The following RPL3 variants were observed in gnomAD, a reference collection of about 807,000 sequenced individuals.
The protein encoded by RPL3 is large ribosomal subunit protein uL3.
RPL3 carries 3 observed loss-of-function variants against 46.0 expected under a neutral mutation model. The observed-to-expected ratio is 0.07, with a 90% CI of 0.03 to 0.17. The LOEUF (loss-of-function observed/expected upper bound fraction) is 0.17, where lower values mean the gene tolerates loss of function less well. RPL3 is among the 10% of genes least tolerant of loss of function. The pLI is 1.00. For synonymous variants in RPL3, 224 were observed against 190.8 expected (o/e 1.17, Z -1.43); for missense variants, 387 against 532.7 (o/e 0.73, Z 2.69).
intron 1 of RPL3, 66 bp downstream of exon 1, chr22:39,319,529 G>C: frequency 6.4e-7 from 1 of 1,551,068 alleles, no homozygotes; most frequent in South Asian, 1.2e-5. Flanking sequence ...GGATGGCGGC[G>C]ATGCGTCGCG....
At chr22:39,319,355 C>T in intron 1 of RPL3, 1 of 616,496 alleles carries the variant, frequency 1.6e-6, no homozygotes, top group Non-Finnish European at 2.9e-6. Context: ...GGCCTCCAAG[C>T]CTGCTCCCAC....
In RPL3 at chr22:39,313,975, A is replaced by G. The variant is rs1922521091; in HGVS notation, c.951+132T>C. ...GAGTGGACTCAGATGACAACATGCC[A>G]CTTACAAGGGACACAGCTAGGTGTT... On this transcript the variant is annotated intron_variant, in intron 7 of 9. Transcript: ENST00000216146. 3.4e-6 allele frequency: 3 copies of G among 874,632 alleles called. No homozygotes were observed. In the Admixed American group the frequency reaches 5.2e-5, roughly 15 times the overall value. 54.2% of individuals were successfully genotyped at this position (874,632 alleles called of 1,614,324 possible).
chr22:39,319,185 C>A, intron 1 of RPL3: 1 of 546,020 alleles, frequency 1.8e-6, no homozygotes, highest in South Asian at 1.4e-5. Flanking sequence ...CCACAACACT[C>A]CCCTCCCCCA....
Position 39,317,452 on chromosome 22 carries a change from C to T in RPL3, c.365+9G>A, listed in dbSNP as rs1922773613. 6.2e-7 allele frequency: 1 copy of T among 1,611,940 alleles called. No homozygotes were observed. The highest frequency in any genetic ancestry group is 1.1e-5 in the South Asian group (1 of 91,020). On this transcript the variant is annotated intron_variant, in intron 3 of 9. Coordinates refer to ENST00000216146, the MANE Select transcript of RPL3 (RefSeq NM_000967.4). ...CCCAAGCTAGGGACTGCATGGCCTC[C>T]TCCCTTACCAATTCTTATAGAAACG...
At chr22:39,314,543 G>T in intron 6 of RPL3, 143 bp downstream of exon 6, 1 of 1,026,728 alleles carries the variant, frequency 9.7e-7, no homozygotes, top group Non-Finnish European at 1.4e-6. Flanking sequence ...AGATGGGCCA[G>T]AACTGACCAT....
intron 9 of RPL3, 100 bp from the exon 10 acceptor site, chr22:39,313,084 C>G (rs1922458057): frequency 1.9e-6 from 3 of 1,605,086 alleles, no homozygotes; most frequent in Non-Finnish European, 1.7e-6. Flanking sequence ...TCCACAGCCA[C>G]AAGAGAGGCC....
intron 9 of RPL3, 62 bp from the exon 10 acceptor site, chr22:39,313,046 T>C: frequency 1.2e-6 from 2 of 1,611,744 alleles, no homozygotes; most frequent in Non-Finnish European, 1.7e-6. Flanking sequence ...ATGCCCACTC[T>C]AGAGGAGACC....
At chr22:39,318,316 C>T in intron 2 of RPL3, 84 bp downstream of exon 2, 1 of 1,475,038 alleles carries the variant, frequency 6.8e-7, no homozygotes, top group Non-Finnish European at 9.2e-7. Flanking sequence ...AAAGTCTGCC[C>T]TCTGCTAACA....
At chr22:39,318,793 T>C (rs1313765648) in intron 1 of RPL3, among the ~76,000 whole-genome samples, 1 of 152,218 alleles carries the variant, frequency 6.6e-6, no homozygotes, top group Non-Finnish European at 1.5e-5. Context: ...TTAAGCTGAA[T>C]CTTATTTCAA....
In RPL3 at chr22:39,316,796, C is replaced by A. The variant is rs1417486220; in HGVS notation, c.411G>T (p.Trp137Cys). Residue 137 changes from tryptophan (W) to cysteine (C), a missense_variant, in exon 4 of 10, where the codon TGG (tryptophan) becomes TGT (cysteine). Trp to Cys is a radical substitution (Grantham distance 215, BLOSUM62 -2). Transcript: ENST00000216146. ...KKAFTKYCKKWQDEDGKKQLE... is the reference protein window; with the variant it reads ...KKAFTKYCKKCQDEDGKKQLE... The stretch of plus-strand genomic sequence containing the variant: ...GCTGCTTCTTGCCATCCTCATCCTG[C>A]CATTTCTTGCAGTACTTGGTAAAGG... 6.2e-7 allele frequency: 1 copy of A among 1,614,072 alleles called. No homozygotes were observed. Among genetic ancestry groups the A allele is most frequent in the East Asian group, 2.2e-5 (1 of 44,884 alleles).
intron 4 of RPL3, 57 bp downstream of exon 4, chr22:39,316,649 C>T: frequency 1.9e-6 from 3 of 1,609,200 alleles, no homozygotes; most frequent in Non-Finnish European, 8.5e-7. Context: ...CCCCCATGAT[C>T]ACATAGGTCA....
chr22:39,319,461 G>A (rs1394780261), intron 1 of RPL3, 134 bp downstream of exon 1: 2 of 1,238,562 alleles, frequency 1.6e-6, no homozygotes, highest in African/African-American at 1.5e-5. Flanking sequence ...AGGCCAGACT[G>A]AAGTCCCCGC....
chr22:39,316,618 C>T, intron 4 of RPL3, 88 bp downstream of exon 4: 2 of 1,555,630 alleles, frequency 1.3e-6, no homozygotes, highest in Non-Finnish European at 1.8e-6. Flanking sequence ...GAAGCCTACC[C>T]ATAAGCGTGC....
Position 39,314,113 on chromosome 22 carries a change from G to A in RPL3, c.945C>T (p.Asn315=), listed in dbSNP as rs376187880. ...TDYDLSDKSI[N]PLGGFVHYGE... is the part of the protein sequence containing the mutation. The stretch of plus-strand genomic sequence containing the variant: ...CAGAACACCCATTACTTACCAGAGG[G>A]TTGATGCTCTTGTCAGATAGGTCAT... Residue 315 remains asparagine (N), a synonymous_variant, in exon 7 of 10, where the codon AAC becomes AAT. Coordinates refer to ENST00000216146, the MANE Select transcript of RPL3 (RefSeq NM_000967.4). 1.6e-4 allele frequency: 266 copies of A among 1,612,750 alleles called. No individual in the cohort carries two copies. Among genetic ancestry groups the A allele is most frequent in the Non-Finnish European group, 2.1e-4 (253 of 1,179,860 alleles).
intron 7 of RPL3, 112 bp downstream of exon 7, chr22:39,313,995 G>C: frequency 1.1e-6 from 1 of 914,478 alleles, no homozygotes; most frequent in South Asian, 1.3e-5. Flanking sequence ...GACACAGCTA[G>C]GTGTTGTGTT....
intron 4 of RPL3, among the ~76,000 whole-genome samples, chr22:39,315,828 A>G (rs1477366098): frequency 2.6e-5 from 4 of 152,132 alleles, no homozygotes; most frequent in Non-Finnish European, 4.4e-5. Flanking sequence ...TACCAGCCCA[A>G]TGTTCCTGTG....
Position 39,315,445 on chromosome 22 carries a change from C to T in RPL3, c.612G>A (p.Gln204=). Reference sequence around the variant, plus strand: ...GCCCAAACACTTGGTTCACAGGTACCTGCTGCTCAAGCCTCTCGCGGGCCC... The same window carrying T: ...GCCCAAACACTTGGTTCACAGGTACTTGCTGCTCAAGCCTCTCGCGGGCCC... ...LDWARERLEQ[Q]VPVNQVFGQD... is the part of the protein sequence containing the mutation. The change falls in exon 5 of 10, where the codon CAG becomes CAA. Residue 204 remains glutamine, a synonymous_variant. Transcript: ENST00000216146. The T allele has an allele frequency of 1.2e-6, 2 of 1,614,012 alleles. No homozygotes were observed. Among genetic ancestry groups the T allele is most frequent in the Non-Finnish European group, 1.7e-6 (2 of 1,180,044 alleles).
At chr22:39,313,932 T>C (rs1381003592) in intron 7 of RPL3, 175 bp downstream of exon 7, 2 of 833,964 alleles carry the variant, frequency 2.4e-6, no homozygotes, top group Non-Finnish European at 4.2e-6. Flanking sequence ...ACCCCACTTC[T>C]CACCAGCCAA....
At position 39,317,414 on chromosome 22, in the gene RPL3, CAGCTCCCA is replaced by C. The variant is rs141799630; in HGVS notation, c.365+39_365+46del. On this transcript the variant is annotated intron_variant, in intron 3 of 9. Transcript: ENST00000216146. ...CATGCACACGCTGCTCCCTGCTCTCCAGCTCCCAAGCTCCCAAGCTAGGGACTGCATGG... is the reference window on the plus strand; with the variant it reads ...CATGCACACGCTGCTCCCTGCTCTCCAGCTCCCAAGCTAGGGACTGCATGG... 7.2e-3 allele frequency: 11,421 copies of C among 1,589,888 alleles called. 419 individuals are homozygous for C. The African/African-American group carries it at 0.1, about 14-fold the overall frequency.
Sources: gnomAD v4.1 joint callset for allele counts (sites outside exome capture counted in the v4.1 genomes callset) on GRCh38, gnomAD v4.1.1 for gene constraint, MANE v1.5 for transcripts, NCBI Gene and HGNC (gene_info 2026-07-23, HGNC 2026-07-21) for gene names.